TLCD3B: variants seen among roughly 807,000 people sequenced by gnomAD.
TLCD3B encodes the protein ceramide synthase.
A neutral mutation model predicts 23.0 loss-of-function variants in TLCD3B; 9 were observed. The observed-to-expected ratio is 0.39, with a 90% CI of 0.24 to 0.68. The LOEUF is 0.68. TLCD3B is among the 30% of genes least tolerant of loss of function. The pLI, the probability that TLCD3B is intolerant of heterozygous loss-of-function variation, is 0.44. For synonymous variants in TLCD3B, 161 were observed against 161.0 expected, an observed-to-expected ratio of 1.00 and a Z score of 0.00; for missense variants, 307 against 371.8, an observed-to-expected ratio of 0.83 and a Z score of 1.43.
intron 1 of TLCD3B, among the ~76,000 whole-genome samples, chr16:30,048,123 C>G (rs930904149): frequency 6.8e-6 from 1 of 146,644 alleles, no homozygotes; most frequent in African/African-American, 2.5e-5. Flanking sequence ...GCCTGGGCAA[C>G]AAGAGTGAAA....
chr16:30,042,230 ATTTATTTTAT>A (rs552776661), intron 2 of TLCD3B, among the ~76,000 whole-genome samples: 123 of 151,616 alleles, frequency 8.1e-4, no homozygotes, highest in African/African-American at 2.4e-3. Flanking sequence ...TTATTTACTT[ATTTATTTTAT>A]TTTATTTTAT....
At position 30,025,360 on chromosome 16, in the gene TLCD3B, C is replaced by A; in HGVS notation, c.648G>T (p.Gly216=). The part of the protein sequence containing the change: ...LLFPYLYWAY[G]RHAGLPLLAV... Reference sequence around the variant, plus strand: ...CCAGCAGGGGCAGGCCGGCATGGCGCCCGTAGGCCCAGTACAGGTAGGGAA... The same window carrying A: ...CCAGCAGGGGCAGGCCGGCATGGCGACCGTAGGCCCAGTACAGGTAGGGAA... Residue 216 remains glycine, a synonymous_variant, in exon 5 of 5, where the codon GGG becomes GGT. Coordinates refer to ENST00000380495, the MANE Select transcript of TLCD3B (RefSeq NM_031478.6). The surrounding 1 kb of genome is among the most constrained non-coding windows in gnomAD (Gnocchi z 4.1). 7 of 1,599,552 alleles carry A rather than the reference C, an allele frequency of 4.4e-6. No homozygotes were observed. Among genetic ancestry groups the A allele is most frequent in the Non-Finnish European group, 5.1e-6 (6 of 1,172,976 alleles).
intron 3 of TLCD3B, chr16:30,036,672 C>T: frequency 3.9e-6 from 1 of 257,498 alleles, no homozygotes; most frequent in Non-Finnish European, 7.6e-6. Context: ...CCTGTGGGGG[C>T]TGGGGGGCGG....
At chr16:30,042,205 G>A (rs2071588800) in intron 2 of TLCD3B, among the ~76,000 whole-genome samples, 1 of 151,882 alleles carries the variant, frequency 6.6e-6, no homozygotes, top group Non-Finnish European at 1.5e-5. Flanking sequence ...CATTTTCTGA[G>A]CCGCCTTTAT....
intron 1 of TLCD3B, chr16:30,046,525 C>G (rs145051804): frequency 6.6e-6 from 1 of 152,230 alleles, no homozygotes; most frequent in East Asian, 1.9e-4. Flanking sequence ...CAAGTCCTGG[C>G]TGGCGTGCCA....
upstream of TLCD3B, among the ~76,000 whole-genome samples, chr16:30,031,934 C>T (rs1279494742): frequency 6.6e-6 from 1 of 152,194 alleles, no homozygotes; most frequent in African/African-American, 2.4e-5. Context: ...GAGCGCGGGG[C>T]AGCTGCCTCT....
At chr16:30,038,707 G>A (rs1244013685) in intron 3 of TLCD3B, among the ~76,000 whole-genome samples, 1 of 151,694 alleles carries the variant, frequency 6.6e-6, no homozygotes, top group East Asian at 1.9e-4. Context: ...CTGAGAAGCC[G>A]AGATCACGCC....
At chr16:30,034,712 GAGCCCAC>G (rs907463943), upstream of TLCD3B, among the ~76,000 whole-genome samples, 1 of 152,130 alleles carries the variant, frequency 6.6e-6, no homozygotes, top group Non-Finnish European at 1.5e-5. Context: ...CATCCCTGCA[GAGCCCAC>G]AGCCCTCATA....
At chr16:30,039,226 C>T (rs1359327907) in intron 3 of TLCD3B, among the ~76,000 whole-genome samples, 4 of 148,928 alleles carry the variant, frequency 2.7e-5, no homozygotes, top group African/African-American at 4.9e-5. Context: ...CAGATTCAAG[C>T]GATTCTCCTG....
intron 2 of TLCD3B, among the ~76,000 whole-genome samples, chr16:30,043,327 G>C (rs754522529): frequency 6.6e-6 from 1 of 152,082 alleles, no homozygotes; most frequent in African/African-American, 2.4e-5. Context: ...GTGCTCAGGG[G>C]ATCCTCCTGC....
chr16:30,035,330 C>A (rs1226061212), upstream of TLCD3B: 1 of 1,289,422 alleles, frequency 7.8e-7, no homozygotes. Context: ...AGGAAGGACA[C>A]CCTCACCCTG....
chr16:30,052,992 G>A (rs907660506), upstream of TLCD3B: 1 of 152,322 alleles, frequency 6.6e-6, no homozygotes, highest in East Asian at 1.9e-4. Flanking sequence ...AAGCCCCGAG[G>A]GCCGCGGCGG....
chr16:30,046,412 T>C (rs2071674835), intron 1 of TLCD3B: 1 of 152,232 alleles, frequency 6.6e-6, no homozygotes, highest in African/African-American at 2.4e-5. Flanking sequence ...AAGTGTGATA[T>C]CATCAAAGGC....
At chr16:30,030,270 G>A (rs1475826856) in intron 1 of TLCD3B, 133 bp downstream of exon 1, 6 of 1,154,446 alleles carry the variant, frequency 5.2e-6, no homozygotes, top group Non-Finnish European at 5.0e-6. Context: ...AGGAAGCCTG[G>A]GGGTAAAGCC....
chr16:30,045,999 A>G (rs768453532), intron 2 of TLCD3B, among the ~76,000 whole-genome samples: 2 of 152,064 alleles, frequency 1.3e-5, no homozygotes, highest in African/African-American at 4.8e-5. Flanking sequence ...AGTCCCAGCT[A>G]CTTAGGAGGC....
chr16:30,048,555 G>A (rs1395214174), intron 1 of TLCD3B, among the ~76,000 whole-genome samples: 2 of 152,044 alleles, frequency 1.3e-5, no homozygotes, highest in African/African-American at 4.8e-5. Flanking sequence ...CAATTGACTT[G>A]TCCAGGGTTG....
rs1443953175 is a variant in TLCD3B, at chr16:30,039,101, CTCTTTT to C, written c.-67+1888_-67+1893del. On this transcript the variant is annotated intron_variant, in intron 3 of 6. Transcript: ENST00000561666. ...ACTTATCCTTCTCCTCCTCCTTCCT[CTCTTTT>C]TTTTTTTTTTTTTTTTTTTTTTTTT... Among the ~76,000 whole-genome samples, 33 of 120,892 alleles carry C rather than the reference CTCTTTT, an allele frequency of 2.7e-4. 1 individual carries two copies. Among genetic ancestry groups the C allele is most frequent in the South Asian group, 7.9e-4 (3 of 3,788 alleles). The allele number at this position is 120,892 out of a possible 152,430, so 79.3% of individuals were successfully genotyped here. A position where few individuals can be genotyped will look rare whatever the true frequency, so the allele number is the denominator to read the frequency against.
In TLCD3B at chr16:30,029,425, C is replaced by CA; in HGVS notation, c.209+6dup. The CA allele has an allele frequency of 6.2e-7, 1 of 1,613,478 alleles. No individual in the cohort carries two copies. The highest frequency in any genetic ancestry group is 8.5e-7 in the Non-Finnish European group (1 of 1,179,668). ...ACCTGGGCAGGGGGGTGTCTCGCAGCACTTACTGGTCATCAATGATGTGCT... is the reference window on the plus strand; with the variant it reads ...ACCTGGGCAGGGGGGTGTCTCGCAGCAACTTACTGGTCATCAATGATGTGCT... On this transcript the variant is annotated splice_region_variant and intron_variant, in intron 2 of 4. Coordinates refer to ENST00000380495, the MANE Select transcript of TLCD3B (RefSeq NM_031478.6). The surrounding 1 kb of genome is among the most constrained non-coding windows in gnomAD (Gnocchi z 4.6).
At chr16:30,045,464 G>A (rs1596778457) in intron 2 of TLCD3B, among the ~76,000 whole-genome samples, 1 of 134,156 alleles carries the variant, frequency 7.5e-6, no homozygotes, top group Non-Finnish European at 1.6e-5. Flanking sequence ...TGGTGTGTGT[G>A]TATTTGTGTG....
Sources: gnomAD v4.1 joint callset for allele counts (sites outside exome capture counted in the v4.1 genomes callset) on GRCh38, gnomAD v4.1.1 for gene constraint, Gnocchi (gnomAD v3.1) non-coding constraint, MANE v1.5 for transcripts, NCBI Gene and HGNC (gene_info 2026-07-23, HGNC 2026-07-21) for gene names.